STK10: variants seen among roughly 807,000 people sequenced by gnomAD.
The protein encoded by STK10 is serine/threonine-protein kinase 10.
Under a neutral mutation model 113.8 loss-of-function variants are expected in STK10, and 78 were observed. The observed-to-expected ratio is 0.69, with a 90% CI of 0.57 to 0.83. STK10 has a LOEUF of 0.83. STK10 is among the 40% of genes least tolerant of loss of function. The pLI, the probability that STK10 is intolerant of heterozygous loss-of-function variation, is 0.00. For synonymous variants in STK10, 465 were observed against 494.7 expected, an observed-to-expected ratio of 0.94 and a Z score of 0.80; for missense variants, 1,109 against 1,280.1, an observed-to-expected ratio of 0.87 and a Z score of 2.04.
chr5:172,103,501 G>A (rs530344715), intron 7 of STK10, among the ~76,000 whole-genome samples: 20 of 152,250 alleles, frequency 1.3e-4, no homozygotes, highest in South Asian at 4.1e-4. Context: ...CCTGGAGGCC[G>A]GATGTATCAG....
At position 172,044,606 on chromosome 5, in the gene STK10, C is replaced by T; in HGVS notation, c.*276G>A. The T allele has an allele frequency of 3.8e-6, 2 of 520,712 alleles. No individual in the cohort carries two copies. Among genetic ancestry groups the T allele is most frequent in the South Asian group, 2.1e-5 (1 of 47,384 alleles). The allele number at this position is 520,712 out of a possible 1,614,324, so 32.3% of individuals were successfully genotyped here. ...CTTGGACCCTGACCCCACCAACAGC[C>T]CCATCCCTTCCAGCTTGAAGGGATC... On this transcript the variant is annotated 3_prime_UTR_variant, in exon 19 of 19. Coordinates refer to ENST00000176763, the MANE Select transcript of STK10 (RefSeq NM_005990.4). The surrounding 1 kb of genome is among the most constrained non-coding windows in gnomAD (Gnocchi z 4.5).
Position 172,064,739 on chromosome 5 carries a change from G to A in STK10, c.2063C>T (p.Thr688Met), listed in dbSNP as rs375833622. ...ACTCACAAGAAGCTGCTTTTTCTGC[G>A]TGTGCTCCTCCATCTTCTGCTTCAT... ...ESMKQKMEEH[T>M]QKKQLLDRDF... Residue 688 changes from threonine (T) to methionine (M), a missense_variant, in exon 13 of 19, where the codon ACG becomes ATG. By Grantham distance (81) the Thr-to-Met change is moderately conservative (BLOSUM62 -1). Around this residue, in one of 5 missense-constraint regions of STK10, gnomAD observed 885 missense variants for 991.1 expected, o/e 0.89. Transcript: ENST00000176763. The A allele has an allele frequency of 2.7e-5, 43 of 1,613,976 alleles. No homozygotes were observed. The highest frequency in any genetic ancestry group is 9.3e-5 in the African/African-American group (7 of 74,912).
chr5:172,086,427 G>C (rs6889721), intron 10 of STK10, among the ~76,000 whole-genome samples: 28,636 of 152,094 alleles, frequency 0.19, 3,168 homozygotes, highest in African/African-American at 0.3. Context: ...AGCCTAAAAG[G>C]AGTACAGAAA....
intron 2 of STK10, among the ~76,000 whole-genome samples, chr5:172,143,363 T>C (rs1770018100): frequency 6.6e-6 from 1 of 151,754 alleles, no homozygotes; most frequent in African/African-American, 2.4e-5. Context: ...AGACACTGTC[T>C]CAAAAACAAA....
intron 7 of STK10, among the ~76,000 whole-genome samples, chr5:172,105,369 C>T (rs3111485): frequency 0.1 from 15,153 of 152,036 alleles, 864 homozygotes; most frequent in East Asian, 0.13. Context: ...GATCTCCTTC[C>T]GTGGCACTGG....
chr5:172,174,704 G>A (rs1770722826), intron 1 of STK10, among the ~76,000 whole-genome samples: 1 of 152,170 alleles, frequency 6.6e-6, no homozygotes, highest in South Asian at 2.1e-4. Flanking sequence ...CCTCTCTGAG[G>A]AGGGAATCTG....
intron 12 of STK10, among the ~76,000 whole-genome samples, chr5:172,071,341 CAAAAAAAA>C (rs58271522): frequency 1.9e-5 from 1 of 53,878 alleles, no homozygotes; most frequent in Non-Finnish European, 3.2e-5. Context: ...GGATAGGTAG[CAAAAAAAA>C]AAAAAAAAAA....
intron 1 of STK10, 56 bp from the exon 2 acceptor site, chr5:172,156,844 T>C: frequency 3.2e-6 from 5 of 1,568,912 alleles, no homozygotes; most frequent in South Asian, 1.2e-5. Flanking sequence ...AAACTGACCT[T>C]TGGACGTGAG....
chr5:172,167,068 A>C (rs949828321), intron 1 of STK10, among the ~76,000 whole-genome samples: 7 of 151,922 alleles, frequency 4.6e-5, no homozygotes, highest in Non-Finnish European at 1.0e-4. Context: ...GCTGGGGCAG[A>C]AGAATCACTT....
At chr5:172,157,530 TG>T (rs1292736439) in intron 1 of STK10, among the ~76,000 whole-genome samples, 1 of 152,138 alleles carries the variant, frequency 6.6e-6, no homozygotes, top group Non-Finnish European at 1.5e-5. Flanking sequence ...CACTCCAGCC[TG>T]GGTGACAGAG....
Position 172,096,561 on chromosome 5 carries a change from C to G in STK10, c.871-1G>C. ...TGGTGATGCTGCTGACGAAGGGATG[C>G]TGAGGGGGCAAGATGCACCCAGATT... On this transcript the variant is annotated splice_acceptor_variant, in intron 7 of 18. Coordinates refer to ENST00000176763, the MANE Select transcript of STK10 (RefSeq NM_005990.4). LOFTEE classifies it high-confidence loss of function. The G allele has an allele frequency of 6.2e-7, 1 of 1,612,874 alleles. No homozygotes were observed. Among genetic ancestry groups the G allele is most frequent in the Non-Finnish European group, 8.5e-7 (1 of 1,180,008 alleles).
intron 15 of STK10, 46 bp downstream of exon 15, chr5:172,057,303 G>A (rs767296786): frequency 3.8e-6 from 6 of 1,562,750 alleles, no homozygotes; most frequent in Non-Finnish European, 5.2e-6. Context: ...GCTCTCCCAG[G>A]TCGGCCCGGC....
chr5:172,138,870 T>C (rs1769922397), intron 2 of STK10, among the ~76,000 whole-genome samples: 1 of 151,976 alleles, frequency 6.6e-6, no homozygotes, highest in East Asian at 1.9e-4. Context: ...AAAAATCAGC[T>C]GGACGTGGTG....
chr5:172,059,028 C>CCTGG (rs962293557), intron 14 of STK10, among the ~76,000 whole-genome samples: 2 of 151,150 alleles, frequency 1.3e-5, no homozygotes, highest in African/African-American at 4.9e-5. Flanking sequence ...TTGAGACCAT[C>CCTGG]CTGGCTAACA....
At chr5:172,098,515 G>A (rs148048696) in intron 7 of STK10, among the ~76,000 whole-genome samples, 167 of 152,258 alleles carry the variant, frequency 1.1e-3, no homozygotes, top group African/African-American at 3.8e-3. Context: ...AGGAAGGATG[G>A]GCCGTGTGTG....
intron 4 of STK10, chr5:172,108,173 T>A: frequency 4.8e-6 from 1 of 206,318 alleles, no homozygotes; most frequent in Non-Finnish European, 9.7e-6. Flanking sequence ...AATGAAACAG[T>A]CTTAAATTTA....
intron 1 of STK10, among the ~76,000 whole-genome samples, chr5:172,177,171 T>TAA (rs1561836384): frequency 1.4e-3 from 143 of 104,028 alleles, no homozygotes; most frequent in African/African-American, 8.1e-3. Context: ...AGTGCAGTCT[T>TAA]TAAAAAAAAA....
intron 4 of STK10, among the ~76,000 whole-genome samples, chr5:172,110,680 A>G (rs539713996): frequency 3.3e-4 from 51 of 152,280 alleles, no homozygotes; most frequent in African/African-American, 1.2e-3. Flanking sequence ...GTGGAAGCAG[A>G]TAAGGCAGGA....
intron 1 of STK10, among the ~76,000 whole-genome samples, 192 bp from the exon 2 acceptor site, chr5:172,156,980 C>A (rs1770361972): frequency 6.6e-6 from 1 of 152,116 alleles, no homozygotes; most frequent in African/African-American, 2.4e-5. Flanking sequence ...TACACCCCTA[C>A]AACACTATGG....
Sources: gnomAD v4.1 joint callset for allele counts (sites outside exome capture counted in the v4.1 genomes callset) on GRCh38, gnomAD v4.1.1 for gene constraint, gnomAD v4.1.1 regional missense constraint, Gnocchi (gnomAD v3.1) non-coding constraint, MANE v1.5 for transcripts, NCBI Gene and HGNC (gene_info 2026-07-23, HGNC 2026-07-21) for gene names.